The following ITGA1 variants were observed in gnomAD, a reference collection of about 807,000 sequenced individuals.
The protein encoded by ITGA1 is integrin alpha-1.
Under a neutral mutation model 145.9 loss-of-function variants are expected in ITGA1, and 85 were observed. The ratio of observed to expected loss-of-function variants is 0.58; its 90% CI spans 0.49 to 0.70. The LOEUF (loss-of-function observed/expected upper bound fraction) is 0.70, where lower values mean the gene tolerates loss of function less well. Among genes scored for constraint, ITGA1 ranks in the 30% least tolerant of loss-of-function variants. The probability of loss-of-function intolerance (pLI) is 0.00; values close to 1 mark genes in which losing one functional copy is unlikely to be tolerated. For missense variants in ITGA1, 1,351 were observed against 1,418.7 expected (o/e 0.95, Z 0.77); for synonymous variants, 520 against 495.3 (o/e 1.05, Z -0.66).
At position 52,925,182 on chromosome 5, in the gene ITGA1, C is replaced by T. The variant is rs10054155; in HGVS notation, c.2404-96C>T. Reference sequence around the variant, plus strand: ...TTCTCCTTATGAGTTGCTTAACTTACTTTGGCTGTATGCCATTTTTGTTAC... The same window carrying T: ...TTCTCCTTATGAGTTGCTTAACTTATTTTGGCTGTATGCCATTTTTGTTAC... On this transcript the variant is annotated intron_variant, in intron 18 of 28. Transcript: ENST00000282588. 8.3e-3 allele frequency: 7,067 copies of T among 856,274 alleles called. 396 individuals are homozygous for T. In the African/African-American group the frequency reaches 0.11, roughly 13 times the overall value. The allele number at this position is 856,274 out of a possible 1,614,324, so 53.0% of individuals were successfully genotyped here.
intron 1 of ITGA1, among the ~76,000 whole-genome samples, chr5:52,844,536 T>A (rs147797774): frequency 1.0e-3 from 155 of 152,320 alleles, no homozygotes; most frequent in African/African-American, 3.6e-3. Flanking sequence ...TTCCCAAGCT[T>A]TCTTCTCCTT....
rs900796882 is a variant in ITGA1 at position 52,869,042 on chromosome 5, A to G, written c.624+3225A>G. Among the ~76,000 whole-genome samples the G allele has an allele frequency of 1.2e-4, 18 of 152,148 alleles. No individual in the cohort carries two copies. The East Asian group carries it at 3.3e-3, about 28-fold the overall frequency. ...ATGTTTCTCCAATTATGGCTCATGGAATTTCTGCTTCCAAATCACTGGGAT... is the reference window on the plus strand; with the variant it reads ...ATGTTTCTCCAATTATGGCTCATGGGATTTCTGCTTCCAAATCACTGGGAT... On this transcript the variant is annotated intron_variant, in intron 6 of 28. Transcript: ENST00000282588.
At chr5:52,872,652 G>A (rs1250768416) in intron 6 of ITGA1, among the ~76,000 whole-genome samples, 4 of 140,208 alleles carry the variant, frequency 2.9e-5, no homozygotes, top group African/African-American at 7.9e-5. Flanking sequence ...TCCGCCTCCC[G>A]GGTTCAAGCT....
chr5:52,846,409 GA>G (rs1003511422), intron 1 of ITGA1, among the ~76,000 whole-genome samples: 10 of 149,030 alleles, frequency 6.7e-5, no homozygotes, highest in African/African-American at 2.2e-4. Flanking sequence ...CCTTAAAAAA[GA>G]AAAAAAAAGT....
intron 16 of ITGA1, 60 bp from the exon 17 acceptor site, chr5:52,920,272 A>C (rs950925237): frequency 6.8e-6 from 9 of 1,314,748 alleles, no homozygotes; most frequent in Non-Finnish European, 8.4e-6. Flanking sequence ...AATAATCTGT[A>C]CAATATGAGA....
At chr5:52,889,982 G>A (rs1350285198) in intron 8 of ITGA1, 2 of 151,288 alleles carry the variant, frequency 1.3e-5, no homozygotes, top group African/African-American at 2.4e-5. Flanking sequence ...GAATTAATCC[G>A]ATCCTTGCTT....
chr5:52,884,229 A>T (rs1234341032), intron 7 of ITGA1, among the ~76,000 whole-genome samples: 1 of 152,232 alleles, frequency 6.6e-6, no homozygotes, highest in East Asian at 1.9e-4. Flanking sequence ...GGATCACCTG[A>T]GGTCAGGAGT....
chr5:52,917,739 G>GA lies in ITGA1; in HGVS notation c.1989-987dup, dbSNP rs139063134. On this transcript the variant is annotated intron_variant, in intron 15 of 28. Coordinates refer to ENST00000282588, the MANE Select transcript of ITGA1 (RefSeq NM_181501.2). Reference sequence around the variant, plus strand: ...GTGTATGCATGTTTTCTTCTGTAAAGAAAAAACCACTGAGTGTACTAAATG... The same window carrying GA: ...GTGTATGCATGTTTTCTTCTGTAAAGAAAAAAACCACTGAGTGTACTAAATG... Among the ~76,000 whole-genome samples the GA allele has an allele frequency of 4.1e-3, 621 of 152,248 alleles. 3 individuals are homozygous for GA. Among genetic ancestry groups the GA allele is most frequent in the African/African-American group, 0.014 (586 of 41,552 alleles).
chr5:52,939,727 T>C, intron 25 of ITGA1, 36 bp downstream of exon 25: 8 of 1,524,808 alleles, frequency 5.2e-6, no homozygotes, highest in Non-Finnish European at 7.3e-6. Flanking sequence ...ACCTTTTGCT[T>C]TCCAAATGAA....
intron 1 of ITGA1, among the ~76,000 whole-genome samples, chr5:52,836,807 T>C (rs1243322615): frequency 3.9e-5 from 6 of 152,162 alleles, no homozygotes; most frequent in Non-Finnish European, 5.9e-5. Flanking sequence ...GATTTCATTG[T>C]TGAAATAGTT....
At chr5:52,883,362 C>T (rs1310626551) in intron 7 of ITGA1, among the ~76,000 whole-genome samples, 6 of 152,278 alleles carry the variant, frequency 3.9e-5, no homozygotes, top group South Asian at 2.1e-4. Flanking sequence ...TGCATAAATA[C>T]GGCTCTAAAT....
chr5:52,825,833 G>A (rs533608363), intron 1 of ITGA1, among the ~76,000 whole-genome samples: 11 of 151,702 alleles, frequency 7.3e-5, no homozygotes, highest in East Asian at 1.9e-4. Flanking sequence ...CAGGAGAATC[G>A]CTTGAACCAG....
intron 1 of ITGA1, among the ~76,000 whole-genome samples, chr5:52,823,745 A>T (rs1001301922): frequency 3.9e-5 from 6 of 152,358 alleles, no homozygotes; most frequent in African/African-American, 1.4e-4. Context: ...GAGTGCTAAA[A>T]TACAGACAAA....
chr5:52,871,376 C>A (rs987973386), intron 6 of ITGA1, among the ~76,000 whole-genome samples: 1 of 152,030 alleles, frequency 6.6e-6, no homozygotes, highest in African/African-American at 2.4e-5. Context: ...AAATACTTCA[C>A]TTTAAATAAA....
At chr5:52,817,345 T>TTTATAAAGGAGGGATAAAGA (rs1358623282) in intron 1 of ITGA1, among the ~76,000 whole-genome samples, 1 of 152,160 alleles carries the variant, frequency 6.6e-6, no homozygotes, top group Non-Finnish European at 1.5e-5. Context: ...GTGAGCCTCA[T>TTTATAAAGGAGGGATAAAGA]TTATAAAGGA....
intron 17 of ITGA1, among the ~76,000 whole-genome samples, chr5:52,922,463 C>G (rs1230828551): frequency 6.6e-6 from 1 of 152,142 alleles, no homozygotes; most frequent in African/African-American, 2.4e-5. Context: ...TCAAGAAAAA[C>G]TATATTGTGA....
intron 19 of ITGA1, among the ~76,000 whole-genome samples, chr5:52,925,923 A>G (rs1750798726): frequency 6.6e-6 from 1 of 152,160 alleles, no homozygotes; most frequent in Admixed American, 6.5e-5. Context: ...AGATATTTGT[A>G]TTAAATAACT....
chr5:52,919,004 C>A, intron 16 of ITGA1, 106 bp downstream of exon 16: 2 of 977,204 alleles, frequency 2.0e-6, no homozygotes, highest in Non-Finnish European at 2.9e-6. Context: ...TGGTGAGCTG[C>A]ACGTCATATT....
chr5:52,864,834 C>A lies in ITGA1; in HGVS notation c.367C>A (p.Pro123Thr). 1 of 1,609,458 alleles carries A rather than the reference C, an allele frequency of 6.2e-7. No homozygotes were observed. The highest frequency in any genetic ancestry group is 8.5e-7 in the Non-Finnish European group (1 of 1,176,106). The change falls in exon 4 of 29, where the codon CCA becomes ACA. Residue 123 changes from proline (P) to threonine (T), a missense_variant. Coordinates refer to ENST00000282588, the MANE Select transcript of ITGA1 (RefSeq NM_181501.2). ...ATTTGGATCAACTTTAGTCACCAAC[C>A]CAAATGGAGGATTTCTGGTAAGAAT... ...MTFGSTLVTN[P>T]NGGFLACGPL...
Sources: gnomAD v4.1 joint callset for allele counts (sites outside exome capture counted in the v4.1 genomes callset) on GRCh38, gnomAD v4.1.1 for gene constraint, MANE v1.5 for transcripts, NCBI Gene and HGNC (gene_info 2026-07-23, HGNC 2026-07-21) for gene names.